Variants in ABI1 observed in about 807,000 individuals in gnomAD.
ABI1 encodes the protein Abelson interactor 1.
In ABI1, 14 loss-of-function variants were observed where a neutral mutation model predicts 54.6. That is an observed-to-expected ratio of 0.26 (90% CI 0.17 to 0.40). The LOEUF is 0.40. ABI1 is among the 10% of genes least tolerant of loss of function. ABI1 has a pLI of 1.00. For synonymous variants in ABI1, 194 were observed against 209.3 expected, an observed-to-expected ratio of 0.93 and a Z score of 0.63; for missense variants, 443 against 598.3, an observed-to-expected ratio of 0.74 and a Z score of 2.71.
intron 9 of ABI1, among the ~76,000 whole-genome samples, chr10:26,752,340 T>C (rs1481574432): frequency 2.0e-5 from 3 of 152,164 alleles, no homozygotes; most frequent in African/African-American, 7.2e-5. Flanking sequence ...TCTGCTTCTG[T>C]GTGCAGATTT....
intron 2 of ABI1, among the ~76,000 whole-genome samples, chr10:26,794,827 C>T (rs1843926461): frequency 6.6e-6 from 1 of 152,012 alleles, no homozygotes; most frequent in African/African-American, 2.4e-5. Context: ...TACAACTCAT[C>T]TTAGCAATCT....
chr10:26,785,584 C>T (rs570332158), intron 2 of ABI1, among the ~76,000 whole-genome samples: 179 of 152,046 alleles, frequency 1.2e-3, no homozygotes, highest in Non-Finnish European at 1.9e-3. Flanking sequence ...TAGCCGGGCA[C>T]GGTGGCACAT....
chr10:26,825,614 C>T (rs72629732), intron 1 of ABI1, among the ~76,000 whole-genome samples: 12,777 of 152,154 alleles, frequency 0.084, 1,056 homozygotes, highest in East Asian at 0.39. Context: ...TGAGCTGAGA[C>T]CGTGCCACCG....
chr10:26,793,933 AT>A, intron 2 of ABI1, among the ~76,000 whole-genome samples: 1 of 152,232 alleles, frequency 6.6e-6, no homozygotes, highest in Non-Finnish European at 1.5e-5. Flanking sequence ...TCTACAAAAA[AT>A]AAATTGTTTT....
At chr10:26,791,974 TTA>T (rs1256726562) in intron 2 of ABI1, among the ~76,000 whole-genome samples, 9 of 152,128 alleles carry the variant, frequency 5.9e-5, no homozygotes, top group African/African-American at 2.2e-4. Context: ...ATCTTAGAAA[TTA>T]TAATGCTGAA....
At chr10:26,844,773 T>C (rs2049848051) in intron 1 of ABI1, among the ~76,000 whole-genome samples, 1 of 152,224 alleles carries the variant, frequency 6.6e-6, no homozygotes, top group South Asian at 2.1e-4. Context: ...TAAATAAGCC[T>C]TCTTTGGGTT....
intron 3 of ABI1, among the ~76,000 whole-genome samples, chr10:26,773,419 C>T (rs535036126): frequency 1.3e-5 from 2 of 151,560 alleles, no homozygotes; most frequent in Admixed American, 1.3e-4. Flanking sequence ...AGGCTGGTCT[C>T]GAACTCCTGG....
At position 26,751,732 on chromosome 10, in the gene ABI1, A is replaced by T; in HGVS notation, c.1136T>A (p.Met379Lys). The T allele has an allele frequency of 6.2e-7, 1 of 1,613,768 alleles. No homozygotes were observed. ...TGGGGGAGGTGGAGAGTCATCAAACATGGGAATGTCATCTGGTGGAGGTGG... is the reference window on the plus strand; with the variant it reads ...TGGGGGAGGTGGAGAGTCATCAAACTTGGGAATGTCATCTGGTGGAGGTGG... ...PPPPPPDDIPMFDDSPPPPPP... is the reference protein window; with the variant it reads ...PPPPPPDDIPKFDDSPPPPPP... Residue 379 changes from methionine to lysine, a missense_variant, in exon 10 of 11, where the codon ATG becomes AAG. Met to Lys is a moderately conservative substitution (Grantham distance 95, BLOSUM62 -1). This residue lies in a region of ABI1 where 394 missense variants were observed against 484.8 expected (regional missense o/e 0.81). Transcript: ENST00000376140.
intron 3 of ABI1, 89 bp from the exon 4 acceptor site, chr10:26,771,178 C>T (rs2132761084): frequency 2.1e-6 from 3 of 1,396,922 alleles, no homozygotes; most frequent in Admixed American, 1.7e-5. Context: ...TTTACAGTTA[C>T]TCAATTCATG....
chr10:26,746,947 G>A lies in ABI1; in HGVS notation c.*1623C>T. On this transcript the variant is annotated 3_prime_UTR_variant, in exon 11 of 11. Transcript: ENST00000376140. The stretch of plus-strand genomic sequence containing the variant: ...GACTGTACATAAAATTTAGACAACA[G>A]GTTATATACAAATTAAGAGAACAAT... 4.2e-6 allele frequency: 1 copy of A among 239,340 alleles called. No individual in the cohort carries two copies. Among genetic ancestry groups the A allele is most frequent in the East Asian group, 6.4e-5 (1 of 15,708 alleles). 14.8% of individuals were successfully genotyped at this position (239,340 alleles called of 1,614,324 possible).
intron 9 of ABI1, among the ~76,000 whole-genome samples, 172 bp downstream of exon 9, chr10:26,755,483 A>G (rs1838184382): frequency 6.6e-6 from 1 of 152,184 alleles, no homozygotes; most frequent in Non-Finnish European, 1.5e-5. Flanking sequence ...GTAACCATGC[A>G]CACAAAGAGA....
Position 26,794,516 on chromosome 10 carries a change from T to C in ABI1, c.286-17275A>G, listed in dbSNP as rs568701528. ...CAAACTGTGTGGATTTAATAGGTGG[T>C]TGTACCATTTACTAACTGTGTGCAC... On this transcript the variant is annotated intron_variant, in intron 2 of 10. Coordinates refer to ENST00000376140, the MANE Select transcript of ABI1 (RefSeq NM_001012750.3). Among the ~76,000 whole-genome samples, 13 of 151,824 alleles carry C rather than the reference T, an allele frequency of 8.6e-5. No homozygotes were observed. The South Asian group carries it at 1.3e-3, about 15-fold the overall frequency.
intron 8 of ABI1, among the ~76,000 whole-genome samples, chr10:26,757,953 A>C (rs1055465961): frequency 1.3e-5 from 2 of 151,010 alleles, no homozygotes; most frequent in Non-Finnish European, 2.9e-5. Flanking sequence ...CTGTAATCCC[A>C]GCTACTCAGG....
At position 26,749,024 on chromosome 10, in the gene ABI1, G is replaced by A. The variant is rs1837280935; in HGVS notation, c.1271-279C>T. On this transcript the variant is annotated intron_variant, in intron 10 of 10. Coordinates refer to ENST00000376140, the MANE Select transcript of ABI1 (RefSeq NM_001012750.3). ...CTCTGAATTTTAGAATTTATTAGAT[G>A]TTTCAATTCATTCAAATACCAAGTG... 2.0e-5 allele frequency among the ~76,000 whole-genome samples: 3 copies of A among 152,150 alleles called. No homozygotes were observed. The South Asian group carries it at 6.2e-4, about 32-fold the overall frequency.
intron 3 of ABI1, among the ~76,000 whole-genome samples, chr10:26,771,962 A>C (rs1370101624): frequency 6.6e-6 from 1 of 151,850 alleles, no homozygotes; most frequent in Non-Finnish European, 1.5e-5. Context: ...TTAGAGTCTA[A>C]TTTTTTACAG....
Position 26,860,770 on chromosome 10 carries a change from A to G in ABI1, c.94T>C (p.Tyr32His). 6.2e-7 allele frequency: 1 copy of G among 1,614,004 alleles called. No individual in the cohort carries two copies. The highest frequency in any genetic ancestry group is 8.5e-7 in the Non-Finnish European group (1 of 1,179,948). ...ACCTGTATGTAGTTGTTTTCACAGT[A>G]GTCTGCCACCCGAGTCAGGTTCTGG... ...SYQNLTRVADYCENNYIQATD... is the reference protein window; with the variant it reads ...SYQNLTRVADHCENNYIQATD... Residue 32 changes from tyrosine (Y) to histidine (H), a missense_variant, in exon 1 of 11, where the codon TAC becomes CAC. Physicochemically the swap from Tyr to His is moderately conservative, Grantham distance 83 (BLOSUM62 2). Around this residue, in one of 2 missense-constraint regions of ABI1, gnomAD observed 394 missense variants for 484.8 expected, o/e 0.81. Transcript: ENST00000376140. This position sits in a 1 kb window ranked among gnomAD's most constrained non-coding sequence, Gnocchi z 4.1.
At chr10:26,831,666 A>G (rs1393779460) in intron 1 of ABI1, among the ~76,000 whole-genome samples, 3 of 152,088 alleles carry the variant, frequency 2.0e-5, no homozygotes, top group African/African-American at 7.2e-5. Flanking sequence ...TACAGAACAC[A>G]CTCCCAATCC....
At chr10:26,813,263 A>T (rs1049594520) in intron 2 of ABI1, among the ~76,000 whole-genome samples, 1 of 152,154 alleles carries the variant, frequency 6.6e-6, no homozygotes, top group African/African-American at 2.4e-5. Flanking sequence ...CCAAAAAAAA[A>T]AAAATCATGA....
At chr10:26,754,237 C>T (rs1275514094) in intron 9 of ABI1, among the ~76,000 whole-genome samples, 8 of 152,280 alleles carry the variant, frequency 5.3e-5, no homozygotes, top group East Asian at 1.9e-4. Context: ...GCAGCCTTGA[C>T]GTCCTGGACT....
Sources: gnomAD v4.1 joint callset for allele counts (sites outside exome capture counted in the v4.1 genomes callset) on GRCh38, gnomAD v4.1.1 for gene constraint, gnomAD v4.1.1 regional missense constraint, Gnocchi (gnomAD v3.1) non-coding constraint, MANE v1.5 for transcripts, NCBI Gene and HGNC (gene_info 2026-07-23, HGNC 2026-07-21) for gene names.